The following CCDC192 variants were observed in gnomAD, a reference collection of about 807,000 sequenced individuals.
The protein encoded by CCDC192 is coiled-coil domain-containing protein 192.
intron 3 of CCDC192, among the ~76,000 whole-genome samples, chr5:127,780,572 A>G (rs1334410362): frequency 6.6e-6 from 1 of 152,138 alleles, no homozygotes. Flanking sequence ...CCTGATCATT[A>G]GTGATGTTGA....
chr5:127,808,512 C>T (rs1757915342), intron 5 of CCDC192, among the ~76,000 whole-genome samples: 2 of 152,120 alleles, frequency 1.3e-5, no homozygotes, highest in South Asian at 4.1e-4. Flanking sequence ...CCATAGGTCT[C>T]CTGATACTCT....
At chr5:127,922,350 A>G (rs1753746097) in intron 6 of CCDC192, among the ~76,000 whole-genome samples, 1 of 152,166 alleles carries the variant, frequency 6.6e-6, no homozygotes, top group African/African-American at 2.4e-5. Flanking sequence ...TCTGTTTATT[A>G]TTTATTTATT....
At chr5:127,855,311 A>C (rs1580755446) in intron 5 of CCDC192, among the ~76,000 whole-genome samples, 6 of 152,354 alleles carry the variant, frequency 3.9e-5, no homozygotes, top group Admixed American at 3.9e-4. Context: ...TGTTCACAAA[A>C]TCTTTCTCAT....
intron 5 of CCDC192, among the ~76,000 whole-genome samples, chr5:127,812,572 A>G (rs1160953733): frequency 6.6e-6 from 1 of 152,134 alleles, no homozygotes; most frequent in Non-Finnish European, 1.5e-5. Context: ...ATTCCATTTT[A>G]TTGATTTTAA....
intron 6 of CCDC192, among the ~76,000 whole-genome samples, chr5:127,888,711 T>C (rs1752647244): frequency 6.6e-6 from 1 of 152,200 alleles, no homozygotes; most frequent in African/African-American, 2.4e-5. Flanking sequence ...TAAGACACTG[T>C]CAAAGAAATT....
chr5:127,921,139 A>C (rs1753706802), intron 6 of CCDC192, among the ~76,000 whole-genome samples: 1 of 150,648 alleles, frequency 6.6e-6, no homozygotes, highest in Non-Finnish European at 1.5e-5. Flanking sequence ...GGACAGGAGA[A>C]AGGAGAGGAA....
At chr5:127,929,215 T>C (rs1401084347) in intron 6 of CCDC192, among the ~76,000 whole-genome samples, 3 of 152,236 alleles carry the variant, frequency 2.0e-5, no homozygotes, top group Admixed American at 2.0e-4. Flanking sequence ...CAAAAATAAG[T>C]TCTGTGTGAA....
chr5:127,921,093 G>GAAAGA (rs1753702544), intron 6 of CCDC192, among the ~76,000 whole-genome samples: 1 of 85,844 alleles, frequency 1.2e-5, no homozygotes, highest in African/African-American at 1.2e-4. Flanking sequence ...GAAAAGAAAG[G>GAAAGA]AAAGGAAAGG....
chr5:127,912,512 C>T (rs1753403636), intron 6 of CCDC192, among the ~76,000 whole-genome samples: 2 of 147,096 alleles, frequency 1.4e-5, no homozygotes. Flanking sequence ...TTAGAGCTTA[C>T]TCTGGGAAGC....
At chr5:127,717,246 A>G (rs1222773553) in intron 2 of CCDC192, among the ~76,000 whole-genome samples, 1 of 151,880 alleles carries the variant, frequency 6.6e-6, no homozygotes, top group Non-Finnish European at 1.5e-5. Context: ...TTTTGCCACA[A>G]AAGGACACAA....
At chr5:127,766,777 A>G (rs1755250750) in intron 3 of CCDC192, among the ~76,000 whole-genome samples, 1 of 151,996 alleles carries the variant, frequency 6.6e-6, no homozygotes, top group African/African-American at 2.4e-5. Flanking sequence ...TCCCATCTCT[A>G]TTCCTCTGTT....
At chr5:127,807,934 A>T (rs1757883448) in intron 5 of CCDC192, among the ~76,000 whole-genome samples, 1 of 152,112 alleles carries the variant, frequency 6.6e-6, no homozygotes, top group Non-Finnish European at 1.5e-5. Context: ...GGCAGGCAGG[A>T]GGGGGTAGTC....
intron 2 of CCDC192, among the ~76,000 whole-genome samples, chr5:127,733,931 A>ATAT (rs1554069666): frequency 7.0e-6 from 1 of 143,240 alleles, no homozygotes; most frequent in Admixed American, 6.9e-5. Flanking sequence ...ATATATATAT[A>ATAT]TTTTTTTATT....
chr5:127,759,547 GAAGAAAGA>G (rs1754796029), intron 3 of CCDC192, among the ~76,000 whole-genome samples: 1 of 152,166 alleles, frequency 6.6e-6, no homozygotes, highest in African/African-American at 2.4e-5. Context: ...TCTAGAATTT[GAAGAAAGA>G]AAGAAATTCC....
chr5:127,872,666 T>G (rs1751911346), intron 5 of CCDC192, among the ~76,000 whole-genome samples: 1 of 152,152 alleles, frequency 6.6e-6, no homozygotes, highest in African/African-American at 2.4e-5. Context: ...CAGCTCTGAT[T>G]GTGTGGAGGG....
intron 5 of CCDC192, among the ~76,000 whole-genome samples, chr5:127,801,655 T>C (rs906163827): frequency 2.0e-5 from 3 of 152,220 alleles, no homozygotes; most frequent in African/African-American, 7.2e-5. Context: ...AGACTCAAGT[T>C]ATGTACCAAC....
chr5:127,935,122 T>C (rs1029174592), intron 6 of CCDC192: 2 of 152,174 alleles, frequency 1.3e-5, no homozygotes, highest in African/African-American at 4.8e-5. Context: ...CCAGCTGAGG[T>C]GTTTGTTTAG....
In CCDC192 at chr5:127,750,252, G is replaced by C. The variant is rs577950798; in HGVS notation, c.115-4016G>C. ...TCCTGCTTTCTCTTGTGGGCATTTA[G>C]TGCTATAAATTTCCCTCTACACACT... On this transcript the variant is annotated intron_variant, in intron 2 of 6. Transcript: ENST00000514853. Among the ~76,000 whole-genome samples, 183 of 152,198 alleles carry C rather than the reference G, an allele frequency of 1.2e-3. 1 individual carries two copies. The highest frequency in any genetic ancestry group is 8.7e-3 in the South Asian group (42 of 4,822).
chr5:127,738,029 T>C (rs1210310879), intron 2 of CCDC192, among the ~76,000 whole-genome samples: 2 of 152,164 alleles, frequency 1.3e-5, no homozygotes, highest in African/African-American at 4.8e-5. Flanking sequence ...CTAGTCTCGA[T>C]GGTCCTTACA....
Sources: allele counts gnomAD v4.1 joint callset (sites outside exome capture counted in the v4.1 genomes callset), GRCh38; gene constraint gnomAD v4.1.1; transcripts MANE v1.5; gene names NCBI Gene and HGNC (gene_info 2026-07-23, HGNC 2026-07-21).